Variants in SVIL observed in about 807,000 individuals in gnomAD.
The protein encoded by SVIL is supervillin, also known as archvillin.
SVIL carries 101 observed loss-of-function variants against 240.4 expected under a neutral mutation model. That is an observed-to-expected ratio of 0.42 (90% CI 0.36 to 0.50). The LOEUF is 0.50. SVIL is among the 20% of genes least tolerant of loss of function. The probability of loss-of-function intolerance (pLI) is 0.01; values close to 1 mark genes in which losing one functional copy is unlikely to be tolerated. For synonymous variants in SVIL, 999 were observed against 1,100.0 expected (o/e 0.91, Z 1.82); for missense variants, 2,512 against 2,818.7 (o/e 0.89, Z 2.46).
intron 1 of SVIL, among the ~76,000 whole-genome samples, chr10:29,724,211 A>G (rs1467513381): frequency 6.6e-6 from 1 of 150,646 alleles, no homozygotes; most frequent in Non-Finnish European, 1.5e-5. Flanking sequence ...GCCTAAATAC[A>G]AGACATGGAA....
chr10:29,541,799 G>A (rs1247910626), intron 6 of SVIL, among the ~76,000 whole-genome samples: 1 of 151,664 alleles, frequency 6.6e-6, no homozygotes, highest in African/African-American at 2.4e-5. Flanking sequence ...AGCCATTCGC[G>A]GGGCTGTGGA....
intron 1 of SVIL, among the ~76,000 whole-genome samples, chr10:29,691,854 CAA>C (rs1265361387): frequency 1.3e-5 from 2 of 152,130 alleles, no homozygotes; most frequent in East Asian, 3.9e-4. Flanking sequence ...TGTCTACAAA[CAA>C]GAAGAAAAAT....
At chr10:29,495,969 A>C (rs1395589693) in intron 18 of SVIL, among the ~76,000 whole-genome samples, 10 of 152,084 alleles carry the variant, frequency 6.6e-5, no homozygotes, top group African/African-American at 1.7e-4. Context: ...TTACAAAAAA[A>C]CAAAATGAGA....
At position 29,523,493 on chromosome 10, in the gene SVIL, C is replaced by A. The variant is rs7070135; in HGVS notation, c.3121G>T (p.Val1041Leu). 156,541 of 1,612,666 alleles carry A rather than the reference C, an allele frequency of 0.097. 9,550 individuals carry two copies. The highest frequency in any genetic ancestry group is 0.27 in the African/African-American group (20,053 of 74,914). ...LRDRLPFEEK[V>L]EVENVMKRKF... ...CTTTTCATAACATTCTCCACCTCCA[C>A]CTTCTCTTCAAAGGGCAGCCTGTCC... is the stretch of plus-strand genomic sequence containing the variant. Residue 1041 changes from valine (V) to leucine (L), a missense_variant, in exon 15 of 38, where the codon GTG becomes TTG. Physicochemically the swap from Val to Leu is conservative, Grantham distance 32 (BLOSUM62 1). Around this residue, in one of 3 missense-constraint regions of SVIL, gnomAD observed 1,443 missense variants for 1,486.6 expected, o/e 0.97. Transcript: ENST00000355867.
intron 13 of SVIL, among the ~76,000 whole-genome samples, chr10:29,526,305 C>CT (rs36004446): frequency 0.26 from 29,884 of 115,004 alleles, 4,822 homozygotes; most frequent in Non-Finnish European, 0.31. Flanking sequence ...TTTTCTCTTT[C>CT]TTTTTTTTTT....
chr10:29,596,448 G>A (rs1054195728), intron 1 of SVIL, among the ~76,000 whole-genome samples: 8 of 152,166 alleles, frequency 5.3e-5, no homozygotes, highest in African/African-American at 1.9e-4. Flanking sequence ...ACTCCAGCTT[G>A]GGCAACAGAG....
In SVIL at chr10:29,512,192, C is replaced by T. The variant is rs532616692; in HGVS notation, c.3516+543G>A. On this transcript the variant is annotated intron_variant, in intron 17 of 37. Coordinates refer to ENST00000355867, the MANE Select transcript of SVIL (RefSeq NM_021738.3). ...ATGAAATGCTTGCTAGTATTGATCA[C>T]CATGCATTACCTAATTTTGTTTCAA... 3.9e-5 allele frequency among the ~76,000 whole-genome samples: 6 copies of T among 152,350 alleles called. 1 individual carries two copies. The South Asian group carries it at 1.2e-3, about 32-fold the overall frequency.
intron 1 of SVIL, among the ~76,000 whole-genome samples, chr10:29,694,607 G>A (rs1389615014): frequency 6.6e-6 from 1 of 152,006 alleles, no homozygotes; most frequent in African/African-American, 2.4e-5. Flanking sequence ...TTACAGGTGT[G>A]TGCCATCATA....
At chr10:29,546,799 G>A (rs1345797281) in intron 6 of SVIL, among the ~76,000 whole-genome samples, 1 of 152,092 alleles carries the variant, frequency 6.6e-6, no homozygotes. Flanking sequence ...AGCGAGCACA[G>A]AACAAAATGA....
intron 1 of SVIL, among the ~76,000 whole-genome samples, chr10:29,588,894 C>T (rs1045445098): frequency 7.2e-5 from 11 of 152,090 alleles, no homozygotes; most frequent in African/African-American, 1.7e-4. Context: ...GACCACTTGC[C>T]TCACTTCCTA....
intron 1 of SVIL, among the ~76,000 whole-genome samples, chr10:29,731,477 A>ATGCAT (rs780633204): frequency 1.3e-5 from 2 of 152,252 alleles, no homozygotes; most frequent in Non-Finnish European, 2.9e-5. Context: ...TGTAACTTTT[A>ATGCAT]TGCATTTCAT....
intron 1 of SVIL, among the ~76,000 whole-genome samples, chr10:29,630,123 G>A (rs1564718755): frequency 6.6e-6 from 1 of 152,074 alleles, no homozygotes. Context: ...CCCTGTCCGA[G>A]ACACTCTGGG....
chr10:29,549,312 C>T (rs557578371), intron 6 of SVIL, among the ~76,000 whole-genome samples: 1 of 144,050 alleles, frequency 6.9e-6, no homozygotes, highest in East Asian at 2.0e-4. Context: ...CAAATCAAAA[C>T]CACAATGAGA....
chr10:29,653,288 A>T (rs1394313306), intron 3 of SVIL, among the ~76,000 whole-genome samples: 1 of 152,048 alleles, frequency 6.6e-6, no homozygotes, highest in Admixed American at 6.6e-5. Context: ...GGTTGTTTAA[A>T]AGTGTGTAGC....
At chr10:29,647,643 G>T (rs1958703608) in intron 3 of SVIL, among the ~76,000 whole-genome samples, 1 of 152,060 alleles carries the variant, frequency 6.6e-6, no homozygotes, top group Non-Finnish European at 1.5e-5. Context: ...GTGTTTGTGT[G>T]TGTGTGTGTG....
intron 3 of SVIL, among the ~76,000 whole-genome samples, chr10:29,641,674 G>A (rs1958490977): frequency 6.6e-6 from 1 of 152,208 alleles, no homozygotes; most frequent in Non-Finnish European, 1.5e-5. Flanking sequence ...ATACTCATCA[G>A]TAGGAGAAAA....
chr10:29,695,958 G>C (rs1451135345), intron 1 of SVIL, among the ~76,000 whole-genome samples: 2 of 121,386 alleles, frequency 1.6e-5, no homozygotes, highest in Non-Finnish European at 3.4e-5. Context: ...TCCCTCTCCC[G>C]TCTCCCTCTC....
At chr10:29,621,427 C>A (rs1462431875) in intron 1 of SVIL, among the ~76,000 whole-genome samples, 1 of 152,248 alleles carries the variant, frequency 6.6e-6, no homozygotes, top group Non-Finnish European at 1.5e-5. Flanking sequence ...GATGTGGAGG[C>A]ACAGCAGGGG....
intron 29 of SVIL, among the ~76,000 whole-genome samples, chr10:29,479,881 C>T (rs1946639227): frequency 6.6e-6 from 1 of 152,170 alleles, no homozygotes; most frequent in East Asian, 1.9e-4. Context: ...GGAAAAGGCT[C>T]CTCCTTGGCA....
Sources: allele counts gnomAD v4.1 joint callset (sites outside exome capture counted in the v4.1 genomes callset), GRCh38; gene constraint gnomAD v4.1.1; regional missense constraint gnomAD v4.1.1; transcripts MANE v1.5; gene names NCBI Gene and HGNC (gene_info 2026-07-23, HGNC 2026-07-21).